PDCD10: variants seen among roughly 807,000 people sequenced by gnomAD.
The protein encoded by PDCD10 is programmed cell death protein 10.
PDCD10 carries 4 observed loss-of-function variants against 29.2 expected under a neutral mutation model. The ratio of observed to expected loss-of-function variants is 0.14; its 90% CI spans 0.07 to 0.31. PDCD10 has a LOEUF of 0.31. Among genes scored for constraint, PDCD10 ranks in the 10% least tolerant of loss-of-function variants. PDCD10 has a pLI of 1.00. For synonymous variants in PDCD10, 70 were observed against 82.2 expected (o/e 0.85, Z 0.80); for missense variants, 183 against 257.9 (o/e 0.71, Z 1.99).
intron 3 of PDCD10, among the ~76,000 whole-genome samples, chr3:167,710,335 T>C (rs1400201384): frequency 1.3e-5 from 2 of 152,156 alleles, no homozygotes; most frequent in African/African-American, 4.8e-5. Flanking sequence ...CCCATTGTCC[T>C]GAAGAGTGAA....
In PDCD10 at chr3:167,684,359, T is replaced by A; in HGVS notation, c.588A>T (p.Arg196=). ...GTATTAAGTTGGTTTGATGAATTAG[T>A]CGGTTGGCACTTACGAACACATTTA... ...KAINVFVSAN[R]LIHQTNLILQ... Residue 196 remains arginine, a synonymous_variant, in exon 9 of 9, where the codon CGA becomes CGT. Transcript: ENST00000392750. The A allele has an allele frequency of 6.2e-7, 1 of 1,607,528 alleles. No individual in the cohort carries two copies. Among genetic ancestry groups the A allele is most frequent in the South Asian group, 1.1e-5 (1 of 90,962 alleles).
chr3:167,724,988 G>A (rs1723948542), intron 2 of PDCD10, among the ~76,000 whole-genome samples: 1 of 152,142 alleles, frequency 6.6e-6, no homozygotes, highest in South Asian at 2.1e-4. Flanking sequence ...TGGGCACGGT[G>A]GCTCATGCCT....
intron 3 of PDCD10, among the ~76,000 whole-genome samples, chr3:167,712,917 A>G (rs1722663127): frequency 6.6e-6 from 1 of 152,096 alleles, no homozygotes; most frequent in African/African-American, 2.4e-5. Context: ...AATTGTAAAT[A>G]TATATGCACC....
chr3:167,712,688 CAAG>C (rs1014095620), intron 3 of PDCD10, among the ~76,000 whole-genome samples: 18 of 151,742 alleles, frequency 1.2e-4, no homozygotes, highest in African/African-American at 3.9e-4. Context: ...GATTAAAAAA[CAAG>C]AACAACCTGT....
At chr3:167,702,236 C>T (rs1721515778) in intron 4 of PDCD10, among the ~76,000 whole-genome samples, 2 of 152,174 alleles carry the variant, frequency 1.3e-5, no homozygotes, top group Non-Finnish European at 2.9e-5. Context: ...CTACTTCTGA[C>T]ATCCCTGAGC....
At chr3:167,721,006 T>C (rs749960571) in intron 2 of PDCD10, among the ~76,000 whole-genome samples, 1 of 152,036 alleles carries the variant, frequency 6.6e-6, no homozygotes, top group Non-Finnish European at 1.5e-5. Context: ...AATTCAACAA[T>C]AAAAGAAATT....
At chr3:167,695,317 A>G (rs937584710) in intron 6 of PDCD10, among the ~76,000 whole-genome samples, 9 of 152,200 alleles carry the variant, frequency 5.9e-5, no homozygotes, top group Admixed American at 3.9e-4. Flanking sequence ...CAGTTTCTCT[A>G]TTCATTTATC....
intron 2 of PDCD10, among the ~76,000 whole-genome samples, chr3:167,729,796 T>C (rs556566143): frequency 6.6e-6 from 1 of 152,316 alleles, no homozygotes; most frequent in East Asian, 1.9e-4. Flanking sequence ...GACTAACCTC[T>C]GGTAAACTTA....
At chr3:167,727,300 CG>C (rs773906425) in intron 2 of PDCD10, among the ~76,000 whole-genome samples, 61 of 152,164 alleles carry the variant, frequency 4.0e-4, no homozygotes, top group Non-Finnish European at 6.5e-4. Context: ...TTGGCTCCTA[CG>C]ATATTTCAAA....
At chr3:167,688,191 T>C (rs1302282008) in intron 6 of PDCD10, among the ~76,000 whole-genome samples, 1 of 152,188 alleles carries the variant, frequency 6.6e-6, no homozygotes, top group African/African-American at 2.4e-5. Context: ...CTATTAGTTT[T>C]GATGTTTAAC....
intron 2 of PDCD10, among the ~76,000 whole-genome samples, chr3:167,729,884 A>G (rs1724616871): frequency 6.6e-6 from 1 of 152,160 alleles, no homozygotes. Flanking sequence ...ATAGTTCATA[A>G]GCTTGTTAAT....
At chr3:167,690,867 C>T (rs1003823657) in intron 6 of PDCD10, among the ~76,000 whole-genome samples, 1 of 152,182 alleles carries the variant, frequency 6.6e-6, no homozygotes, top group Admixed American at 6.5e-5. Flanking sequence ...CAACTTATAT[C>T]CAAGGTTACA....
intron 6 of PDCD10, among the ~76,000 whole-genome samples, chr3:167,691,630 G>A (rs1720252429): frequency 6.6e-6 from 1 of 152,148 alleles, no homozygotes; most frequent in African/African-American, 2.4e-5. Flanking sequence ...GAGAGCTCTG[G>A]GCCTACATTT....
At chr3:167,728,236 TA>T (rs199510641) in intron 2 of PDCD10, among the ~76,000 whole-genome samples, 262 of 130,868 alleles carry the variant, frequency 2.0e-3, no homozygotes, top group Middle Eastern at 4.6e-3. Context: ...CAGTTCTCAA[TA>T]AAAAAAAAAA....
intron 2 of PDCD10, among the ~76,000 whole-genome samples, chr3:167,728,317 G>C (rs181671060): frequency 6.6e-6 from 1 of 152,178 alleles, no homozygotes; most frequent in African/African-American, 2.4e-5. Flanking sequence ...ATAGGGTGCA[G>C]TTGCTGTCTA....
Position 167,684,217 on chromosome 3 carries a change from C to T in PDCD10, c.*91G>A, listed in dbSNP as rs1168872321. The T allele has an allele frequency of 3.9e-6, 3 of 763,820 alleles. No homozygotes were observed. In the South Asian group the frequency reaches 4.2e-5, roughly 11 times the overall value. The allele number at this position is 763,820 out of a possible 1,614,324, so 47.3% of individuals were successfully genotyped here. Reference sequence around the variant, plus strand: ...CTGGATTAGATCCCTTCAGGAGGGACTGATAATTTATACAGTCAAACTTTA... The same window carrying T: ...CTGGATTAGATCCCTTCAGGAGGGATTGATAATTTATACAGTCAAACTTTA... On this transcript the variant is annotated 3_prime_UTR_variant, in exon 9 of 9. Transcript: ENST00000392750.
intron 2 of PDCD10, among the ~76,000 whole-genome samples, chr3:167,727,799 T>A (rs566509613): frequency 2.3e-4 from 35 of 152,314 alleles, no homozygotes; most frequent in South Asian, 4.1e-4. Context: ...TGGCTTAAGA[T>A]CCTCTAAAAC....
intron 8 of PDCD10, among the ~76,000 whole-genome samples, chr3:167,685,878 A>G (rs1371149540): frequency 2.0e-5 from 3 of 152,214 alleles, no homozygotes; most frequent in African/African-American, 7.2e-5. Context: ...TGTATGGAAC[A>G]CCACCACAAA....
intron 2 of PDCD10, among the ~76,000 whole-genome samples, chr3:167,726,384 C>G (rs1724182794): frequency 6.6e-6 from 1 of 152,046 alleles, no homozygotes; most frequent in African/African-American, 2.4e-5. Context: ...CAGGCGTGAG[C>G]CACTGTGCCT....
Sources: gnomAD v4.1 joint callset for allele counts (sites outside exome capture counted in the v4.1 genomes callset) on GRCh38, gnomAD v4.1.1 for gene constraint, MANE v1.5 for transcripts, NCBI Gene and HGNC (gene_info 2026-07-23, HGNC 2026-07-21) for gene names.